Variants in ATXN7L1 observed in about 807,000 individuals in gnomAD.
ATXN7L1 encodes the protein ataxin 7 like 1.
Under a neutral mutation model 70.8 loss-of-function variants are expected in ATXN7L1, and 15 were observed. The ratio of observed to expected loss-of-function variants is 0.21; its 90% CI spans 0.14 to 0.33. The LOEUF is 0.33. ATXN7L1 is among the 10% of genes least tolerant of loss of function. The probability of loss-of-function intolerance (pLI) is 1.00; values close to 1 mark genes in which losing one functional copy is unlikely to be tolerated. For synonymous variants in ATXN7L1, 440 were observed against 445.1 expected (o/e 0.99, Z 0.14); for missense variants, 975 against 1,097.1 (o/e 0.89, Z 1.57).
Position 105,788,677 on chromosome 7 carries a change from A to T in ATXN7L1, c.282T>A (p.His94Gln). The T allele has an allele frequency of 1.9e-6, 3 of 1,613,984 alleles. No individual in the cohort carries two copies. The highest frequency in any genetic ancestry group is 2.7e-5 in the African/African-American group (2 of 75,056). ...TGCACACTACGAGATAGAAGTCGTC[A>T]TGTGCTGGGTAATGGCCAAATAAGT... Reference protein sequence around the residue: ...DMHLFGHYPAHDDFYLVVCSA... With the variant: ...DMHLFGHYPAQDDFYLVVCSA... Residue 94 changes from histidine (H) to glutamine (Q), a missense_variant, in exon 3 of 12, where the codon CAT becomes CAA. Transcript: ENST00000419735.
chr7:105,799,514 A>T (rs1806503267), intron 2 of ATXN7L1, among the ~76,000 whole-genome samples: 1 of 52,128 alleles, frequency 1.9e-5, no homozygotes, highest in African/African-American at 8.1e-5. Context: ...GAGACCTCTG[A>T]TCCTGTGGCA....
At chr7:105,639,418 G>C in intron 6 of ATXN7L1, 69 bp downstream of exon 6, 1 of 1,229,020 alleles carries the variant, frequency 8.1e-7, no homozygotes, top group South Asian at 1.3e-5. Flanking sequence ...TGTGCAGAGA[G>C]TGGCATGCAA....
At chr7:105,629,214 T>G (rs1796210617) in intron 7 of ATXN7L1, among the ~76,000 whole-genome samples, 1 of 152,112 alleles carries the variant, frequency 6.6e-6, no homozygotes. Context: ...TGCTGGAGAT[T>G]AGATCCCTTG....
At chr7:105,654,568 A>G (rs1034074532) in intron 4 of ATXN7L1, among the ~76,000 whole-genome samples, 1 of 152,194 alleles carries the variant, frequency 6.6e-6, no homozygotes, top group Non-Finnish European at 1.5e-5. Flanking sequence ...TGTGTATGTA[A>G]TCTCAGCCCA....
Position 105,689,315 on chromosome 7 carries a change from C to G in ATXN7L1, c.356-24027G>C, listed in dbSNP as rs190422490. On this transcript the variant is annotated intron_variant, in intron 3 of 11. Coordinates refer to ENST00000419735, the MANE Select transcript of ATXN7L1 (RefSeq NM_020725.2). ...AAGGAGGGTGTTTCTAAGATATTGG[C>G]AGGCCAATGTCTGGAGGGCCTGGGA... Among the ~76,000 whole-genome samples the G allele has an allele frequency of 3.7e-3, 558 of 152,292 alleles. 6 individuals are homozygous for G. Among genetic ancestry groups the G allele is most frequent in the Non-Finnish European group, 5.5e-3 (376 of 68,020 alleles).
chr7:105,692,091 T>C (rs1164113278), intron 3 of ATXN7L1, among the ~76,000 whole-genome samples: 3 of 152,180 alleles, frequency 2.0e-5, no homozygotes, highest in Admixed American at 1.3e-4. Flanking sequence ...AATGTAGATA[T>C]TGGCAGCTGA....
intron 3 of ATXN7L1, among the ~76,000 whole-genome samples, chr7:105,770,968 G>A (rs188183509): frequency 9.6e-4 from 146 of 152,030 alleles, no homozygotes; most frequent in African/African-American, 3.3e-3. Flanking sequence ...TTGGGAGGCC[G>A]AGGCAGGCGG....
Position 105,715,795 on chromosome 7 carries a change from G to A in ATXN7L1, c.356-50507C>T, listed in dbSNP as rs558637666. 1.3e-5 allele frequency among the ~76,000 whole-genome samples: 2 copies of A among 152,330 alleles called. 1 individual carries two copies. Among genetic ancestry groups the A allele is most frequent in the Admixed American group, 1.3e-4 (2 of 15,288 alleles). On this transcript the variant is annotated intron_variant, in intron 3 of 11. Coordinates refer to ENST00000419735, the MANE Select transcript of ATXN7L1 (RefSeq NM_020725.2). ...CCAGAGGTGGAGAAATGACAGTGGT[G>A]GTGAAAAACTGGCTGCAAGCACAGA...
chr7:105,874,248 C>T (rs753440052), intron 2 of ATXN7L1, among the ~76,000 whole-genome samples: 13 of 151,842 alleles, frequency 8.6e-5, no homozygotes, highest in South Asian at 2.1e-4. Flanking sequence ...ATAGTCATAA[C>T]GCATCACCCA....
At chr7:105,770,182 G>A (rs1228971198) in intron 3 of ATXN7L1, among the ~76,000 whole-genome samples, 1 of 152,204 alleles carries the variant, frequency 6.6e-6, no homozygotes, top group Non-Finnish European at 1.5e-5. Context: ...GCCTGCCTGA[G>A]ACAATTCAAT....
intron 3 of ATXN7L1, among the ~76,000 whole-genome samples, chr7:105,695,389 C>T (rs1245840893): frequency 6.6e-6 from 1 of 152,226 alleles, no homozygotes; most frequent in Non-Finnish European, 1.5e-5. Context: ...GTGAATGTGC[C>T]TAACACAGAA....
Position 105,624,235 on chromosome 7 carries a change from G to A in ATXN7L1, c.1235C>T (p.Thr412Ile), listed in dbSNP as rs1375551788. 6.7e-7 allele frequency: 1 copy of A among 1,482,664 alleles called. No individual in the cohort carries two copies. The highest frequency in any genetic ancestry group is 9.0e-7 in the Non-Finnish European group (1 of 1,108,792). The allele number at this position is 1,482,664 out of a possible 1,614,324, so 91.8% of individuals were successfully genotyped here. A position where few individuals can be genotyped will look rare whatever the true frequency, so the allele number is the denominator to read the frequency against. Residue 412 changes from threonine (T) to isoleucine (I), a missense_variant, in exon 8 of 12, where the codon ACA becomes ATA. Physicochemically the swap from Thr to Ile is moderately conservative, Grantham distance 89. Coordinates refer to ENST00000419735, the MANE Select transcript of ATXN7L1 (RefSeq NM_020725.2). ...PSSANSISSS[T>I]SSNHSGHTPE... ...AGTGTGGCCGCTATGATTTGAAGAT[G>A]TGCTGCTGCTTATGCTATTTGCAGA...
intron 3 of ATXN7L1, among the ~76,000 whole-genome samples, chr7:105,741,744 G>C (rs991775142): frequency 3.3e-5 from 5 of 152,162 alleles, no homozygotes; most frequent in African/African-American, 9.7e-5. Flanking sequence ...TTAAGACAAG[G>C]TCATGAGGGT....
intron 7 of ATXN7L1, among the ~76,000 whole-genome samples, chr7:105,632,647 G>A (rs1156567720): frequency 1.3e-5 from 2 of 152,132 alleles, no homozygotes; most frequent in Non-Finnish European, 2.9e-5. Flanking sequence ...GATCAGCTGA[G>A]TGCAGTGGTT....
At chr7:105,619,407 A>C (rs7811766) in intron 9 of ATXN7L1, among the ~76,000 whole-genome samples, 139,537 of 142,750 alleles carry the variant, frequency 0.98, 68,290 homozygotes, top group East Asian at 1. Context: ...CCTCAGCCTC[A>C]CAAAGTGCCA....
intron 3 of ATXN7L1, among the ~76,000 whole-genome samples, chr7:105,757,578 ATTTTTTT>A (rs34846815): frequency 1.6e-5 from 1 of 62,464 alleles, no homozygotes; most frequent in Non-Finnish European, 3.1e-5. Flanking sequence ...ACCTTTCTGT[ATTTTTTT>A]TTTTTTTTTT....
chr7:105,733,918 CCATCCAT>C (rs1324411770), intron 3 of ATXN7L1, among the ~76,000 whole-genome samples: 3 of 145,916 alleles, frequency 2.1e-5, no homozygotes, highest in Non-Finnish European at 4.5e-5. Context: ...CATCATCCAT[CCATCCAT>C]CATCCATCAT....
chr7:105,871,036 C>A (rs1818182805), intron 2 of ATXN7L1, among the ~76,000 whole-genome samples: 3 of 149,820 alleles, frequency 2.0e-5, no homozygotes, highest in African/African-American at 2.5e-5. Context: ...GAAAATAAAC[C>A]CAGTTATTTT....
intron 3 of ATXN7L1, among the ~76,000 whole-genome samples, chr7:105,694,335 T>C (rs1453698182): frequency 2.6e-5 from 4 of 152,166 alleles, no homozygotes; most frequent in African/African-American, 9.7e-5. Context: ...TGTGAGCCAC[T>C]GCACCTGGCT....
Sources: allele counts gnomAD v4.1 joint callset (sites outside exome capture counted in the v4.1 genomes callset), GRCh38; gene constraint gnomAD v4.1.1; transcripts MANE v1.5; gene names NCBI Gene and HGNC (gene_info 2026-07-23, HGNC 2026-07-21).